The following ACVR1 variants were observed in gnomAD, a reference collection of about 807,000 sequenced individuals.
ACVR1 encodes the protein activin A receptor type 1, also known as activin receptor type-1.
In ACVR1, 38 loss-of-function variants were observed where a neutral mutation model predicts 57.1. The observed-to-expected ratio is 0.67, with a 90% CI of 0.51 to 0.87. ACVR1 has a LOEUF of 0.87. Ranked by LOEUF, ACVR1 falls within the 40% of genes least tolerant of loss-of-function variation. The pLI, the probability that ACVR1 is intolerant of heterozygous loss-of-function variation, is 0.00. For synonymous variants in ACVR1, 212 were observed against 228.1 expected (o/e 0.93, Z 0.63); for missense variants, 463 against 638.2 (o/e 0.73, Z 2.96).
intron 1 of ACVR1, among the ~76,000 whole-genome samples, chr2:157,820,696 C>T (rs1343082814): frequency 6.6e-6 from 1 of 152,018 alleles, no homozygotes; most frequent in African/African-American, 2.4e-5. Context: ...TCTCCTGCCT[C>T]TGTCCAGTCT....
intron 9 of ACVR1, among the ~76,000 whole-genome samples, chr2:157,752,021 G>A (rs758373794): frequency 6.6e-6 from 1 of 152,106 alleles, no homozygotes; most frequent in Non-Finnish European, 1.5e-5. Flanking sequence ...CACATCAAAC[G>A]ACTACAACTA....
Position 157,806,240 on chromosome 2 carries a change from G to A in ACVR1, c.-7-6740C>T, listed in dbSNP as rs963606847. ...GTTATTTAATACACCATTCAATCATGCCTTCTTTCCATTTCCCTAACCTTA... is the reference window on the plus strand; with the variant it reads ...GTTATTTAATACACCATTCAATCATACCTTCTTTCCATTTCCCTAACCTTA... On this transcript the variant is annotated intron_variant, in intron 2 of 10. Coordinates refer to ENST00000434821, the MANE Select transcript of ACVR1 (RefSeq NM_001111067.4). 4.2e-4 allele frequency among the ~76,000 whole-genome samples: 64 copies of A among 151,928 alleles called. 1 individual carries two copies. Among genetic ancestry groups the A allele is most frequent in the Non-Finnish European group, 1.2e-4 (8 of 68,006 alleles).
intron 1 of ACVR1, among the ~76,000 whole-genome samples, chr2:157,864,179 A>G (rs1238400861): frequency 6.6e-6 from 1 of 151,804 alleles, no homozygotes; most frequent in Non-Finnish European, 1.5e-5. Flanking sequence ...AGCAAATTCT[A>G]AAGAAAAAAT....
In ACVR1 at chr2:157,737,592, C is replaced by T. The variant is rs554387941; in HGVS notation, c.1469G>A (p.Arg490His). The T allele has an allele frequency of 4.3e-6, 7 of 1,614,018 alleles. No individual in the cohort carries two copies. The highest frequency in any genetic ancestry group is 5.1e-6 in the Non-Finnish European group (6 of 1,179,930). ...QNPSARLTAL[R>H]IKKTLTKIDN... ...AATTTTGGTCAAAGTCTTTTTGATA[C>T]GCAGTGCTGTGAGTCTTGCGGATGG... Residue 490 changes from arginine to histidine, a missense_variant, in exon 11 of 11, where the codon CGT (arginine) becomes CAT (histidine). Physicochemically the swap from Arg to His is conservative, Grantham distance 29. Around this residue, in one of 3 missense-constraint regions of ACVR1, gnomAD observed 146 missense variants for 186.6 expected, o/e 0.78. Transcript: ENST00000434821.
At chr2:157,857,685 C>CA (rs1689583144) in intron 1 of ACVR1, among the ~76,000 whole-genome samples, 1 of 152,156 alleles carries the variant, frequency 6.6e-6, no homozygotes, top group African/African-American at 2.4e-5. Flanking sequence ...CACATATAGA[C>CA]AAAGGCTGAA....
intron 1 of ACVR1, among the ~76,000 whole-genome samples, chr2:157,871,512 G>A (rs1690112806): frequency 6.6e-6 from 1 of 152,148 alleles, no homozygotes; most frequent in Non-Finnish European, 1.5e-5. Context: ...CAAAATTTAG[G>A]AAGACTGAAA....
rs1684586697 is a variant in ACVR1 at position 157,737,669 on chromosome 2, A to G, written c.1396-4T>C. The G allele has an allele frequency of 3.7e-6, 6 of 1,614,116 alleles. 1 individual carries two copies. In the East Asian group the frequency reaches 1.3e-4, roughly 36 times the overall value. On this transcript the variant is annotated splice_polypyrimidine_tract_variant and splice_region_variant and intron_variant, in intron 10 of 10. Transcript: ENST00000434821. ...GCTTGGCCAGAGAGGTTAATGTCTG[A>G]GGAGAGAAAGAACAAACACCACAAT...
At chr2:157,848,096 G>A (rs1689178571) in intron 1 of ACVR1, among the ~76,000 whole-genome samples, 1 of 152,100 alleles carries the variant, frequency 6.6e-6, no homozygotes, top group African/African-American at 2.4e-5. Context: ...AGGACACTGG[G>A]GAAAACTAAG....
chr2:157,840,015 G>C (rs72925217), intron 1 of ACVR1, among the ~76,000 whole-genome samples: 16,022 of 152,228 alleles, frequency 0.11, 967 homozygotes, highest in African/African-American at 0.16. Flanking sequence ...CTGGATTCCA[G>C]GGTGTGACGT....
In ACVR1 at chr2:157,846,479, A is replaced by G. The variant is rs531428572; in HGVS notation, c.-182-27920T>C. Among the ~76,000 whole-genome samples, 8 of 152,330 alleles carry G rather than the reference A, an allele frequency of 5.3e-5. No individual in the cohort carries two copies. The East Asian group carries it at 1.3e-3, about 26-fold the overall frequency. On this transcript the variant is annotated intron_variant, in intron 1 of 10. Transcript: ENST00000434821. ...CAAGCTCATCCCATTTAATTCTGCC[A>G]AAGCTCACATTCAACATCCCATCTC... is the stretch of plus-strand genomic sequence containing the variant.
rs1248710567 is a variant in ACVR1, at chr2:157,875,867, G to C, written c.-254C>G. 6.7e-6 allele frequency: 1 copy of C among 148,864 alleles called. No homozygotes were observed. Among genetic ancestry groups the C allele is most frequent in the Non-Finnish European group, 1.5e-5 (1 of 66,558 alleles). 9.2% of individuals were successfully genotyped at this position (148,864 alleles called of 1,614,324 possible). On this transcript the variant is annotated 5_prime_UTR_variant, in exon 1 of 11. Coordinates refer to ENST00000434821, the MANE Select transcript of ACVR1 (RefSeq NM_001111067.4). ...CGAGGCAGCCGGGCGCTGCAGGTCGGCGCGGCGCGGGGCGGCGCGGGGCGG... is the reference window on the plus strand; with the variant it reads ...CGAGGCAGCCGGGCGCTGCAGGTCGCCGCGGCGCGGGGCGGCGCGGGGCGG...
chr2:157,854,029 T>G (rs1241294606), intron 1 of ACVR1, among the ~76,000 whole-genome samples: 1 of 152,178 alleles, frequency 6.6e-6, no homozygotes, highest in Non-Finnish European at 1.5e-5. Context: ...TGTACTGTAA[T>G]CACTGATTTA....
Position 157,873,854 on chromosome 2 carries a change from T to A in ACVR1, c.-183+1942A>T, listed in dbSNP as rs180861249. ...AAAAAATTCGTTACAAATCTATTAATCAAATTAAGTTCCTCACTTCTGAAA... is the reference window on the plus strand; with the variant it reads ...AAAAAATTCGTTACAAATCTATTAAACAAATTAAGTTCCTCACTTCTGAAA... On this transcript the variant is annotated intron_variant, in intron 1 of 10. Coordinates refer to ENST00000434821, the MANE Select transcript of ACVR1 (RefSeq NM_001111067.4). Among the ~76,000 whole-genome samples the A allele has an allele frequency of 2.9e-4, 44 of 152,322 alleles. 2 individuals carry two copies. The East Asian group carries it at 4.6e-3, about 16-fold the overall frequency.
At chr2:157,755,260 G>C (rs2105242609) in intron 9 of ACVR1, among the ~76,000 whole-genome samples, 1 of 152,178 alleles carries the variant, frequency 6.6e-6, no homozygotes, top group Non-Finnish European at 1.5e-5. Context: ...GTCCTAGCCA[G>C]AGCAATCAGA....
At chr2:157,786,924 C>G (rs1177501900) in intron 3 of ACVR1, among the ~76,000 whole-genome samples, 1 of 152,086 alleles carries the variant, frequency 6.6e-6, no homozygotes, top group Non-Finnish European at 1.5e-5. Context: ...AATAATGGCA[C>G]CTTCAATAGG....
At chr2:157,764,261 CA>C (rs1382414870) in intron 8 of ACVR1, among the ~76,000 whole-genome samples, 3 of 152,082 alleles carry the variant, frequency 2.0e-5, no homozygotes, top group African/African-American at 7.2e-5. Context: ...CGGCTCACTG[CA>C]ACCTCCGCCT....
At chr2:157,775,126 T>C (rs989991788) in intron 5 of ACVR1, among the ~76,000 whole-genome samples, 2 of 152,240 alleles carry the variant, frequency 1.3e-5, no homozygotes, top group Admixed American at 1.3e-4. Context: ...GCTGCCTGGA[T>C]GGAGGTTTCC....
At chr2:157,745,201 G>GT (rs1684922580) in intron 9 of ACVR1, among the ~76,000 whole-genome samples, 1 of 152,186 alleles carries the variant, frequency 6.6e-6, no homozygotes, top group Admixed American at 6.5e-5. Context: ...CAATATTACT[G>GT]TAAGTTGTCA....
chr2:157,830,011 G>A (rs1480477906), intron 1 of ACVR1, among the ~76,000 whole-genome samples: 1 of 152,158 alleles, frequency 6.6e-6, no homozygotes, highest in Non-Finnish European at 1.5e-5. Flanking sequence ...CTGAAGTCAG[G>A]AGTTCGAGAC....
Sources: gnomAD v4.1 joint callset for allele counts (sites outside exome capture counted in the v4.1 genomes callset) on GRCh38, gnomAD v4.1.1 for gene constraint, gnomAD v4.1.1 regional missense constraint, MANE v1.5 for transcripts, NCBI Gene and HGNC (gene_info 2026-07-23, HGNC 2026-07-21) for gene names.